Variants in SEC31A observed in about 807,000 individuals in gnomAD.
SEC31A encodes the protein protein transport protein Sec31A.
Under a neutral mutation model 151.0 loss-of-function variants are expected in SEC31A, and 70 were observed. The ratio of observed to expected loss-of-function variants is 0.46; its 90% CI spans 0.38 to 0.57. The LOEUF (loss-of-function observed/expected upper bound fraction) is 0.57, where lower values mean the gene tolerates loss of function less well. Among genes scored for constraint, SEC31A ranks in the 20% least tolerant of loss-of-function variants. SEC31A has a pLI of 0.00. For synonymous variants in SEC31A, 475 were observed against 505.9 expected, an observed-to-expected ratio of 0.94 and a Z score of 0.82; for missense variants, 1,330 against 1,471.2, an observed-to-expected ratio of 0.90 and a Z score of 1.57.
At chr4:82,874,292 C>T (rs1286867852) in intron 6 of SEC31A, among the ~76,000 whole-genome samples, 3 of 145,500 alleles carry the variant, frequency 2.1e-5, no homozygotes, top group East Asian at 4.0e-4. Flanking sequence ...AGCGAGACTC[C>T]GTCTCAAGAA....
chr4:82,855,069 A>G (rs1404401253), intron 16 of SEC31A, 40 bp from the exon 17 acceptor site: 1 of 1,538,020 alleles, frequency 6.5e-7, no homozygotes, highest in African/African-American at 1.4e-5. Context: ...AAAGTCTTTA[A>G]CATAGCAATA....
upstream of SEC31A, chr4:82,891,323 C>G: frequency 1.3e-6 from 1 of 779,832 alleles, no homozygotes; most frequent in South Asian, 1.7e-5. Flanking sequence ...GCCTGGGAGG[C>G]GGGGTACGGC....
intron 1 of SEC31A, among the ~76,000 whole-genome samples, chr4:82,888,364 A>G (rs1301337615): frequency 1.0e-5 from 1 of 99,404 alleles, no homozygotes; most frequent in African/African-American, 2.8e-5. Context: ...AAAAAAAAAA[A>G]AAAAAAAAAC....
chr4:82,890,818 C>T, intron 1 of SEC31A: 1 of 1,310,702 alleles, frequency 7.6e-7, no homozygotes, highest in Non-Finnish European at 9.7e-7. Flanking sequence ...GCTACTACTC[C>T]CCGGCAAGAC....
chr4:82,859,515 C>T (rs1459480657), intron 14 of SEC31A, among the ~76,000 whole-genome samples: 1 of 152,146 alleles, frequency 6.6e-6, no homozygotes, highest in Non-Finnish European at 1.5e-5. Context: ...GTTATCTACA[C>T]ATCTGAATGT....
rs189946331 is a variant in SEC31A at position 82,867,912 on chromosome 4, C to T, written c.883-596G>A. 1.9e-4 allele frequency among the ~76,000 whole-genome samples: 29 copies of T among 152,320 alleles called. No homozygotes were observed. In the East Asian group the frequency reaches 3.3e-3, roughly 17 times the overall value. ...CCTCCCAAAGTGCTGGGATTACAGG[C>T]GTGAGCCACCGCACCCGGCCTAGGG... On this transcript the variant is annotated intron_variant, in intron 8 of 26. Transcript: ENST00000395310.
At chr4:82,863,832 A>G (rs1734696575) in intron 11 of SEC31A, among the ~76,000 whole-genome samples, 1 of 152,176 alleles carries the variant, frequency 6.6e-6, no homozygotes, top group Non-Finnish European at 1.5e-5. Context: ...ACCTAACTGT[A>G]TTCAAGACTG....
intron 24 of SEC31A, among the ~76,000 whole-genome samples, chr4:82,826,687 C>G (rs1724674313): frequency 6.6e-6 from 1 of 152,190 alleles, no homozygotes; most frequent in Non-Finnish European, 1.5e-5. Flanking sequence ...AAAGTATAAT[C>G]TTGTGACAAG....
At chr4:82,898,847 T>C (rs1051242800) in intron 3 of SEC31A, among the ~76,000 whole-genome samples, 1 of 152,180 alleles carries the variant, frequency 6.6e-6, no homozygotes, top group Non-Finnish European at 1.5e-5. Context: ...CACAGTTATC[T>C]TATGACTCAC....
rs1270237584 is a variant in SEC31A, at chr4:82,842,313, G to T, written c.2795C>A (p.Ala932Asp). 6.8e-6 allele frequency: 11 copies of T among 1,613,464 alleles called. No homozygotes were observed. Among genetic ancestry groups the T allele is most frequent in the Non-Finnish European group, 7.6e-6 (9 of 1,179,758 alleles). The change falls in exon 22 of 27, where the codon GCC becomes GAC. Residue 932 changes from alanine to aspartate, a missense_variant. Ala to Asp is a moderately radical substitution (Grantham distance 126). Transcript: ENST00000395310. ...QSQLYAAQHQ[A>D]SSPTSSPATS... ...AGCAGGGCTGGAGGTAGGTGAAGAG[G>T]CCTGGTGCTGTGCTGCGTACAGCTG...
chr4:82,874,081 C>T (rs1261661922), intron 6 of SEC31A, among the ~76,000 whole-genome samples: 2 of 151,954 alleles, frequency 1.3e-5, no homozygotes, highest in Non-Finnish European at 2.9e-5. Context: ...AGGCAGATCA[C>T]GAGGTCAGGA....
intron 21 of SEC31A, 200 bp downstream of exon 21, chr4:82,844,186 G>C: frequency 5.8e-6 from 3 of 516,948 alleles, no homozygotes; most frequent in Non-Finnish European, 1.0e-5. Context: ...TCTGAACAGT[G>C]TGACAAAGGA....
intron 21 of SEC31A, chr4:82,843,692 A>C (rs566902779): frequency 1.3e-5 from 2 of 151,362 alleles, no homozygotes; most frequent in Non-Finnish European, 2.9e-5. Context: ...TTTGCATTTA[A>C]ATTTTCAAAT....
chr4:82,819,716 T>C (rs1225288087), intron 26 of SEC31A, among the ~76,000 whole-genome samples: 1 of 152,138 alleles, frequency 6.6e-6, no homozygotes, highest in Non-Finnish European at 1.5e-5. Context: ...AGTTTTTTAC[T>C]ATGTCATTAC....
At chr4:82,853,203 G>A (rs1169500103) in intron 18 of SEC31A, among the ~76,000 whole-genome samples, 9 of 152,186 alleles carry the variant, frequency 5.9e-5, no homozygotes, top group African/African-American at 2.2e-4. Context: ...TGGCATTGGG[G>A]ATGCCTCCTA....
chr4:82,874,641 T>C lies in SEC31A; in HGVS notation c.609A>G (p.Pro203=). 6.2e-7 allele frequency: 1 copy of C among 1,610,428 alleles called. No individual in the cohort carries two copies. Among genetic ancestry groups the C allele is most frequent in the Non-Finnish European group, 8.5e-7 (1 of 1,179,414 alleles). Residue 203 remains proline, a synonymous_variant, in exon 6 of 27, where the codon CCA becomes CCG. Coordinates refer to ENST00000395310, the MANE Select transcript of SEC31A (RefSeq NM_001077207.4). The part of the protein sequence containing the change: ...ATVWDLRKNE[P]IIKVSDHSNR... ...TACTATGGTCACTGACTTTGATGATTGGCTCATTTTTTCTAAGATCCCATA... is the reference window on the plus strand; with the variant it reads ...TACTATGGTCACTGACTTTGATGATCGGCTCATTTTTTCTAAGATCCCATA...
At chr4:82,870,516 G>T in intron 7 of SEC31A, 92 bp from the exon 8 acceptor site, 2 of 1,003,608 alleles carry the variant, frequency 2.0e-6, no homozygotes, top group Non-Finnish European at 3.1e-6. Flanking sequence ...TTCACACATT[G>T]TTAACAGAAA....
intron 1 of SEC31A, among the ~76,000 whole-genome samples, chr4:82,886,130 G>A (rs1198900341): frequency 6.6e-6 from 1 of 152,178 alleles, no homozygotes; most frequent in Non-Finnish European, 1.5e-5. Flanking sequence ...TTATATCATA[G>A]AGGAAATATT....
At chr4:82,888,601 A>T (rs1741498454) in intron 1 of SEC31A, among the ~76,000 whole-genome samples, 1 of 151,954 alleles carries the variant, frequency 6.6e-6, no homozygotes, top group African/African-American at 2.4e-5. Context: ...AGGGAGGAGA[A>T]TCGCTTGAAC....
Sources: allele counts gnomAD v4.1 joint callset (sites outside exome capture counted in the v4.1 genomes callset), GRCh38; gene constraint gnomAD v4.1.1; transcripts MANE v1.5; gene names NCBI Gene and HGNC (gene_info 2026-07-23, HGNC 2026-07-21).